ADGRD1: variants seen among roughly 807,000 people sequenced by gnomAD.
ADGRD1 encodes the protein adhesion G protein-coupled receptor D1.
ADGRD1 carries 77 observed loss-of-function variants against 113.4 expected under a neutral mutation model. That is an observed-to-expected ratio of 0.68 (90% CI 0.57 to 0.82). The LOEUF (loss-of-function observed/expected upper bound fraction) is 0.82, where lower values mean the gene tolerates loss of function less well. Among genes scored for constraint, ADGRD1 ranks in the 40% least tolerant of loss-of-function variants. The probability of loss-of-function intolerance (pLI) is 0.00; values close to 1 mark genes in which losing one functional copy is unlikely to be tolerated. For missense variants in ADGRD1, 1,036 were observed against 1,139.1 expected, an observed-to-expected ratio of 0.91 and a Z score of 1.30; for synonymous variants, 474 against 475.0, an observed-to-expected ratio of 1.00 and a Z score of 0.03.
At chr12:131,108,335 C>T (rs571147970) in intron 17 of ADGRD1, among the ~76,000 whole-genome samples, 4 of 152,294 alleles carry the variant, frequency 2.6e-5, no homozygotes, top group African/African-American at 9.6e-5. Flanking sequence ...TTGCTCCAGT[C>T]CTCACTTGAA....
chr12:131,116,923 C>G lies in ADGRD1; in HGVS notation c.2042-1462C>G, dbSNP rs557558037. Reference sequence around the variant, plus strand: ...TTCTTTTCAGAAACAGATTCCCATTCGTGCAGGATCTGTTTCAAAGCTCAC... The same window carrying G: ...TTCTTTTCAGAAACAGATTCCCATTGGTGCAGGATCTGTTTCAAAGCTCAC... On this transcript the variant is annotated intron_variant, in intron 18 of 24. Transcript: ENST00000261654. 6.6e-5 allele frequency among the ~76,000 whole-genome samples: 10 copies of G among 152,336 alleles called. No homozygotes were observed. The South Asian group carries it at 2.1e-3, about 32-fold the overall frequency.
intron 24 of ADGRD1, among the ~76,000 whole-genome samples, chr12:131,138,795 C>T (rs562617601): frequency 4.7e-4 from 71 of 152,366 alleles, no homozygotes; most frequent in African/African-American, 1.5e-3. Context: ...TCTAGCCCCA[C>T]GGCTACAGCT....
At chr12:131,009,640 G>A (rs546333585) in intron 12 of ADGRD1, among the ~76,000 whole-genome samples, 2 of 152,348 alleles carry the variant, frequency 1.3e-5, no homozygotes, top group South Asian at 2.1e-4. Flanking sequence ...ATGTGTGCGT[G>A]TATTTGTGTG....
chr12:131,134,129 G>A (rs552904493), intron 21 of ADGRD1, among the ~76,000 whole-genome samples: 2 of 152,344 alleles, frequency 1.3e-5, no homozygotes, highest in African/African-American at 2.4e-5. Flanking sequence ...TTTACAAGTG[G>A]GACCCTGGGG....
chr12:131,090,270 A>T (rs1172023873), intron 15 of ADGRD1, among the ~76,000 whole-genome samples: 1 of 152,248 alleles, frequency 6.6e-6, no homozygotes, highest in African/African-American at 2.4e-5. Context: ...GGCTGATATC[A>T]TAAGTAGAAA....
At chr12:131,021,731 A>C (rs868493362) in intron 13 of ADGRD1, among the ~76,000 whole-genome samples, 1 of 152,038 alleles carries the variant, frequency 6.6e-6, no homozygotes, top group Non-Finnish European at 1.5e-5. Context: ...TTTTTGAGAC[A>C]GAGTCTCTCT....
intron 23 of ADGRD1, 121 bp from the exon 24 acceptor site, chr12:131,138,016 T>C: frequency 1.3e-6 from 1 of 767,186 alleles, no homozygotes; most frequent in Non-Finnish European, 2.3e-6. Flanking sequence ...CTCCGACTCA[T>C]ATTTCCAAAT....
chr12:131,007,688 C>T (rs907658704), intron 12 of ADGRD1, among the ~76,000 whole-genome samples: 9 of 152,262 alleles, frequency 5.9e-5, no homozygotes, highest in Admixed American at 6.5e-5. Flanking sequence ...ACAGCCAAGT[C>T]ATCCCTGGTT....
chr12:130,974,992 A>G (rs1872140519), intron 4 of ADGRD1, among the ~76,000 whole-genome samples: 1 of 152,122 alleles, frequency 6.6e-6, no homozygotes, highest in African/African-American at 2.4e-5. Context: ...AGGACATTGG[A>G]GAGAAAAAGG....
intron 13 of ADGRD1, among the ~76,000 whole-genome samples, chr12:131,019,449 C>T (rs1566035604): frequency 6.6e-6 from 1 of 152,244 alleles, no homozygotes; most frequent in Non-Finnish European, 1.5e-5. Context: ...GTCAAAATTG[C>T]TCACTGCGTT....
intron 13 of ADGRD1, chr12:131,024,441 A>G (rs1879710279): frequency 6.6e-6 from 1 of 152,258 alleles, no homozygotes; most frequent in South Asian, 2.1e-4. Flanking sequence ...GTGTTTTGGA[A>G]ACATTTCAGT....
chr12:131,117,258 CA>C (rs1170425731), intron 18 of ADGRD1, among the ~76,000 whole-genome samples: 1 of 152,144 alleles, frequency 6.6e-6, no homozygotes, highest in Non-Finnish European at 1.5e-5. Context: ...TTGGCTTTGT[CA>C]AATATTAAAC....
chr12:131,012,986 G>A (rs534731097), intron 12 of ADGRD1, among the ~76,000 whole-genome samples: 2 of 152,326 alleles, frequency 1.3e-5, no homozygotes, highest in African/African-American at 4.8e-5. Context: ...GTGACCTGCT[G>A]TGTGCCAGGC....
rs1450531273 is a variant in ADGRD1, at chr12:131,108,792, G to A, written c.1956G>A (p.Val652=). 1.2e-6 allele frequency: 2 copies of A among 1,613,958 alleles called. No individual in the cohort carries two copies. The highest frequency in any genetic ancestry group is 1.7e-6 in the Non-Finnish European group (2 of 1,180,008). The change falls in exon 18 of 25, where the codon GTG becomes GTA. Residue 652 remains valine (V), a synonymous_variant. Coordinates refer to ENST00000261654, the MANE Select transcript of ADGRD1 (RefSeq NM_198827.5). ...TGAGTGCCTTCGCATGGATGCTGGTGGAGGGGCTGCACCTCTACAGCATGG... is the reference window on the plus strand; with the variant it reads ...TGAGTGCCTTCGCATGGATGCTGGTAGAGGGGCTGCACCTCTACAGCATGG... ...FFLSAFAWML[V]EGLHLYSMVI... is the part of the protein sequence containing the mutation.
intron 13 of ADGRD1, among the ~76,000 whole-genome samples, chr12:131,032,500 C>T (rs900902155): frequency 6.6e-5 from 10 of 152,328 alleles, no homozygotes; most frequent in African/African-American, 2.4e-4. Context: ...GCTGCAGGCC[C>T]GGGTGCCAGC....
intron 13 of ADGRD1, among the ~76,000 whole-genome samples, chr12:131,015,639 GGA>G (rs1363774201): frequency 5.9e-5 from 9 of 151,900 alleles, no homozygotes; most frequent in African/African-American, 1.7e-4. Context: ...GATGGAGATG[GGA>G]ATGGAGATGG....
At chr12:131,106,639 C>G (rs576415777) in intron 17 of ADGRD1, among the ~76,000 whole-genome samples, 2 of 152,306 alleles carry the variant, frequency 1.3e-5, no homozygotes, top group African/African-American at 4.8e-5. Flanking sequence ...ACGCTTTATC[C>G]CATGCCTAGC....
chr12:131,134,249 A>T (rs750573928), intron 21 of ADGRD1, among the ~76,000 whole-genome samples: 4 of 152,040 alleles, frequency 2.6e-5, no homozygotes, highest in Non-Finnish European at 5.9e-5. Flanking sequence ...ACCTTGGGGG[A>T]GCAGAAGGGG....
chr12:131,108,648 T>C, intron 17 of ADGRD1, 76 bp from the exon 18 acceptor site: 1 of 1,603,972 alleles, frequency 6.2e-7, no homozygotes, highest in African/African-American at 1.3e-5. Context: ...ACATGGATAC[T>C]GGGAGGCTGG....
Sources: gnomAD v4.1 joint callset for allele counts (sites outside exome capture counted in the v4.1 genomes callset) on GRCh38, gnomAD v4.1.1 for gene constraint, MANE v1.5 for transcripts, NCBI Gene and HGNC (gene_info 2026-07-23, HGNC 2026-07-21) for gene names.